CRNKL1: variants seen among roughly 807,000 people sequenced by gnomAD.
CRNKL1 encodes the protein crooked neck-like protein 1.
In CRNKL1, 35 loss-of-function variants were observed where a neutral mutation model predicts 103.7. The observed-to-expected ratio is 0.34, with a 90% CI of 0.26 to 0.45. The LOEUF (loss-of-function observed/expected upper bound fraction) is 0.45, where lower values mean the gene tolerates loss of function less well. Among genes scored for constraint, CRNKL1 ranks in the 20% least tolerant of loss-of-function variants. The pLI, the probability that CRNKL1 is intolerant of heterozygous loss-of-function variation, is 1.00. For synonymous variants in CRNKL1, 267 were observed against 282.6 expected, an observed-to-expected ratio of 0.94 and a Z score of 0.55; for missense variants, 645 against 836.0, an observed-to-expected ratio of 0.77 and a Z score of 2.82.
chr20:20,045,603 T>A, intron 5 of CRNKL1, 117 bp from the exon 6 acceptor site: 3 of 872,876 alleles, frequency 3.4e-6, no homozygotes, highest in Non-Finnish European at 5.2e-6. Flanking sequence ...ACTACAACTC[T>A]AGGGGAACAA....
At chr20:20,041,174 G>A (rs372886476) in intron 9 of CRNKL1, among the ~76,000 whole-genome samples, 4 of 152,334 alleles carry the variant, frequency 2.6e-5, no homozygotes, top group African/African-American at 9.6e-5. Flanking sequence ...TTCTCGTGCT[G>A]GGAAACAAGG....
At position 20,037,441 on chromosome 20, in the gene CRNKL1, A is replaced by T; in HGVS notation, c.1778T>A (p.Leu593Gln). The T allele has an allele frequency of 6.2e-7, 1 of 1,614,204 alleles. No individual in the cohort carries two copies. ...NCEEKEERLMLLESWRSFEEE... is the reference protein window; with the variant it reads ...NCEEKEERLMQLESWRSFEEE... ...TTCAAAACTTCGCCAAGATTCCAGC[A>T]GCATAAGTCTCTCTTCCTTTTCTTC... Residue 593 changes from leucine to glutamine, a missense_variant, in exon 13 of 14, where the codon CTG becomes CAG. By Grantham distance (113) the Leu-to-Gln change is moderately radical. Coordinates refer to ENST00000536226, the MANE Select transcript of CRNKL1 (RefSeq NM_001278628.2).
chr20:20,053,535 G>C (rs2043948468), upstream of CRNKL1, among the ~76,000 whole-genome samples: 1 of 152,162 alleles, frequency 6.6e-6, no homozygotes, highest in African/African-American at 2.4e-5. Context: ...CATTTGTTAG[G>C]ATAATTTCCA....
intron 8 of CRNKL1, 21 bp downstream of exon 8, chr20:20,042,304 C>T (rs893537239): frequency 4.5e-6 from 7 of 1,567,106 alleles, no homozygotes; most frequent in Non-Finnish European, 3.5e-6. Context: ...TATCAGCTGA[C>T]ACATAATTCT....
chr20:20,054,386 A>G (rs6081849), upstream of CRNKL1, among the ~76,000 whole-genome samples: 21,477 of 151,060 alleles, frequency 0.14, 1,658 homozygotes, highest in East Asian at 0.22. Context: ...TGGACTGTGA[A>G]TGAGCTAGGG....
Position 20,035,589 on chromosome 20 carries a change from T to C in CRNKL1, c.*606A>G, listed in dbSNP as rs556011951. The C allele has an allele frequency of 1.3e-5, 2 of 152,342 alleles. No homozygotes were observed. The highest frequency in any genetic ancestry group is 1.9e-4 in the East Asian group (1 of 5,188). 9.4% of individuals were successfully genotyped at this position (152,342 alleles called of 1,614,324 possible). A position where few individuals can be genotyped will look rare whatever the true frequency, so the allele number is the denominator to read the frequency against. The stretch of plus-strand genomic sequence containing the variant: ...AAAAAACAATATAACTGGACACTAG[T>C]AAGAAAGTAAGGTAAATTATTAATC... On this transcript the variant is annotated 3_prime_UTR_variant, in exon 14 of 14. Coordinates refer to ENST00000536226, the MANE Select transcript of CRNKL1 (RefSeq NM_001278628.2).
At position 20,050,489 on chromosome 20, in the gene CRNKL1, T is replaced by C; in HGVS notation, c.185A>G (p.Tyr62Cys). 1 of 1,613,728 alleles carries C rather than the reference T, an allele frequency of 6.2e-7. No homozygotes were observed. Among genetic ancestry groups the C allele is most frequent in the Non-Finnish European group, 8.5e-7 (1 of 1,179,886 alleles). ...KITDEEELND[Y>C]KLRKRKTFED... ...ACTGACCTTCCTTTTCCTTAGTTTA[T>C]AATCATTTAATTCTTCTTCATCTGT... Residue 62 changes from tyrosine to cysteine, a missense_variant, in exon 2 of 14, where the codon TAT becomes TGT. This residue lies in a region of CRNKL1 where 63 missense variants were observed against 128.3 expected (regional missense o/e 0.49). Transcript: ENST00000536226.
rs776139384 is a variant in CRNKL1, at chr20:20,043,650, G to A, written c.814C>T (p.Arg272Ter). 6 of 1,612,670 alleles carry A rather than the reference G, an allele frequency of 3.7e-6. No individual in the cohort carries two copies. The highest frequency in any genetic ancestry group is 1.3e-5 in the African/African-American group (1 of 74,844). Residue 272 changes from arginine (R) to a stop codon, truncating the protein, a stop_gained, in exon 7 of 14, where the codon CGA (arginine) becomes TGA (stop). Coordinates refer to ENST00000536226, the MANE Select transcript of CRNKL1 (RefSeq NM_001278628.2). LOFTEE classifies it high-confidence loss of function. ...EENQKEFERV[R>*]VIYKYALDRI... ...TCCAGGGCATACTTGTAAATCACTC[G>A]TACCCTTTCAAACTAAATGCAGACA...
At chr20:20,041,409 T>C (rs577241175) in intron 9 of CRNKL1, among the ~76,000 whole-genome samples, 157 bp downstream of exon 9, 1 of 152,214 alleles carries the variant, frequency 6.6e-6, no homozygotes, top group Non-Finnish European at 1.5e-5. Context: ...CTGTGAGCTG[T>C]TTTCAGAGGC....
intron 10 of CRNKL1, among the ~76,000 whole-genome samples, chr20:20,040,298 C>T (rs910108102): frequency 3.6e-5 from 5 of 139,978 alleles, no homozygotes; most frequent in African/African-American, 5.4e-5. Context: ...GGGAACAGAG[C>T]GAGACCCTGT....
At chr20:20,047,716 C>T (rs1301134076) in intron 5 of CRNKL1, 49 bp downstream of exon 5, 2 of 1,568,936 alleles carry the variant, frequency 1.3e-6, no homozygotes, top group Admixed American at 3.4e-5. Context: ...GGAGCAGCAG[C>T]AGCATCCAGG....
Position 20,038,409 on chromosome 20 carries a change from T to A in CRNKL1, c.1587A>T (p.Glu529Asp). ...KSYIDFEIEQEETERTRNLYR... is the reference protein window; with the variant it reads ...KSYIDFEIEQDETERTRNLYR... ...AAAGGTTTCGTGTTCTTTCTGTTTC[T>A]TCCTGCTCAATTTCAAAATCAATAT... is the stretch of plus-strand genomic sequence containing the variant. The change falls in exon 12 of 14, where the codon GAA becomes GAT. Residue 529 changes from glutamate to aspartate, a missense_variant. By Grantham distance (45) the Glu-to-Asp change is conservative. This residue lies in a region of CRNKL1 where 582 missense variants were observed against 707.7 expected (regional missense o/e 0.82). Transcript: ENST00000536226. The A allele has an allele frequency of 6.4e-7, 1 of 1,552,710 alleles. No individual in the cohort carries two copies. The highest frequency in any genetic ancestry group is 8.7e-7 in the Non-Finnish European group (1 of 1,147,264).
intron 5 of CRNKL1, among the ~76,000 whole-genome samples, chr20:20,046,616 C>T (rs2043598104): frequency 6.6e-6 from 1 of 152,190 alleles, no homozygotes; most frequent in African/African-American, 2.4e-5. Flanking sequence ...CTCATCCTGG[C>T]AGATTCTATC....
In CRNKL1 at chr20:20,048,744, A is replaced by T. The variant is rs75418870; in HGVS notation, c.297-243T>A. On this transcript the variant is annotated intron_variant, in intron 3 of 13. Coordinates refer to ENST00000536226, the MANE Select transcript of CRNKL1 (RefSeq NM_001278628.2). ...GTCAAGATCTGCACGGGAAACAGAG[A>T]GGAAGAAATGAAAATGTTTGGTGGA... is the stretch of plus-strand genomic sequence containing the variant. 8.1e-3 allele frequency among the ~76,000 whole-genome samples: 1,235 copies of T among 152,324 alleles called. 13 individuals are homozygous for T. Among genetic ancestry groups the T allele is most frequent in the African/African-American group, 0.028 (1,184 of 41,576 alleles).
At chr20:20,046,841 T>C (rs1391628486) in intron 5 of CRNKL1, among the ~76,000 whole-genome samples, 1 of 152,236 alleles carries the variant, frequency 6.6e-6, no homozygotes, top group Non-Finnish European at 1.5e-5. Context: ...GCTCTGTGCA[T>C]GTCCACAAAT....
chr20:20,042,630 T>C, intron 7 of CRNKL1, 114 bp from the exon 8 acceptor site: 1 of 892,302 alleles, frequency 1.1e-6, no homozygotes, highest in African/African-American at 1.7e-5. Context: ...GCACCTTTTC[T>C]TCTAAATGTT....
At chr20:20,054,412 T>TACAAACAC (rs759860912), upstream of CRNKL1, among the ~76,000 whole-genome samples, 10 of 151,356 alleles carry the variant, frequency 6.6e-5, no homozygotes, top group Non-Finnish European at 1.3e-4. Flanking sequence ...TATATATATA[T>TACAAACAC]ATACACACAC....
upstream of CRNKL1, among the ~76,000 whole-genome samples, chr20:20,054,050 T>C (rs1009860178): frequency 4.4e-4 from 65 of 148,354 alleles, no homozygotes; most frequent in Non-Finnish European, 4.8e-4. Context: ...AAATGTATTA[T>C]CCTTCTTACT....
At chr20:20,039,900 T>C in intron 10 of CRNKL1, 52 bp from the exon 11 acceptor site, 1 of 1,582,858 alleles carries the variant, frequency 6.3e-7, no homozygotes. Context: ...ATTTAATCTG[T>C]GCAGTTATTG....
Sources: gnomAD v4.1 joint callset for allele counts (sites outside exome capture counted in the v4.1 genomes callset) on GRCh38, gnomAD v4.1.1 for gene constraint, gnomAD v4.1.1 regional missense constraint, MANE v1.5 for transcripts, NCBI Gene and HGNC (gene_info 2026-07-23, HGNC 2026-07-21) for gene names.